LAMA1: variants seen among roughly 807,000 people sequenced by gnomAD.
LAMA1 encodes laminin subunit alpha-1.
In LAMA1, 219 loss-of-function variants were observed where a neutral mutation model predicts 348.7. The ratio of observed to expected loss-of-function variants is 0.63; its 90% CI spans 0.56 to 0.70. LAMA1 has a LOEUF of 0.70. Among genes scored for constraint, LAMA1 ranks in the 30% least tolerant of loss-of-function variants. The pLI, the probability that LAMA1 is intolerant of heterozygous loss-of-function variation, is 0.00. For missense variants in LAMA1, 3,744 were observed against 3,888.0 expected, an observed-to-expected ratio of 0.96 and a Z score of 0.99; for synonymous variants, 1,487 against 1,491.0, an observed-to-expected ratio of 1.00 and a Z score of 0.06.
In LAMA1 at chr18:7,050,815, T is replaced by C. The variant is rs2058059613; in HGVS notation, c.467A>G (p.Asp156Gly). The C allele has an allele frequency of 1.2e-6, 2 of 1,614,084 alleles. No homozygotes were observed. Among genetic ancestry groups the C allele is most frequent in the Non-Finnish European group, 1.7e-6 (2 of 1,180,022 alleles). Reference sequence around the variant, plus strand: ...ATTGTAACGAGACAAACACTCTGAGTCGCTGACTGCATAATACTGCCAGGG... The same window carrying C: ...ATTGTAACGAGACAAACACTCTGAGCCGCTGACTGCATAATACTGCCAGGG... ...FSPWQYYAVS[D>G]SECLSRYNIT... is the part of the protein sequence containing the mutation. Residue 156 changes from aspartate (D) to glycine (G), a missense_variant, in exon 4 of 63, where the codon GAC becomes GGC. Around this residue, in one of 3 missense-constraint regions of LAMA1, gnomAD observed 1,529 missense variants for 1,689.4 expected, o/e 0.91. Coordinates refer to ENST00000389658, the MANE Select transcript of LAMA1 (RefSeq NM_005559.4).
intron 42 of LAMA1, among the ~76,000 whole-genome samples, chr18:6,979,696 G>T (rs534993361): frequency 5.9e-5 from 9 of 152,018 alleles, no homozygotes; most frequent in African/African-American, 1.9e-4. Context: ...TCAGGAGATC[G>T]AGACCATCCT....
intron 57 of LAMA1, among the ~76,000 whole-genome samples, chr18:6,951,890 C>T (rs1039715636): frequency 6.6e-6 from 1 of 152,140 alleles, no homozygotes; most frequent in Non-Finnish European, 1.5e-5. Flanking sequence ...TGATTGTGCC[C>T]GCGGCAACGG....
rs554137721 is a variant in LAMA1 at position 7,007,080 on chromosome 18, G to A, written c.4260+59C>T. On this transcript the variant is annotated intron_variant, in intron 29 of 62. Coordinates refer to ENST00000389658, the MANE Select transcript of LAMA1 (RefSeq NM_005559.4). ...CGGCTATGACTTAGACCGGAAATCT[G>A]ACACTCAGCGTCCACTTTACTTCTA... 30 of 1,602,492 alleles carry A rather than the reference G, an allele frequency of 1.9e-5. No individual in the cohort carries two copies. In the South Asian group the frequency reaches 2.8e-4, roughly 15 times the overall value.
At chr18:7,019,946 T>G (rs1023463998) in intron 19 of LAMA1, among the ~76,000 whole-genome samples, 1 of 152,062 alleles carries the variant, frequency 6.6e-6, no homozygotes, top group Non-Finnish European at 1.5e-5. Flanking sequence ...CCTCCCAAAG[T>G]GCTGAGATTA....
rs545342595 is a variant in LAMA1 at position 7,088,625 on chromosome 18, C to A, written c.62-8168G>T. ...CTCGAACTCCCAGGCTCAAGCGATC[C>A]TCCTACCTCAGCCTCCCGAGTACCT... On this transcript the variant is annotated intron_variant, in intron 1 of 62. Coordinates refer to ENST00000389658, the MANE Select transcript of LAMA1 (RefSeq NM_005559.4). Among the ~76,000 whole-genome samples the A allele has an allele frequency of 1.6e-4, 24 of 152,204 alleles. No homozygotes were observed. In the East Asian group the frequency reaches 3.1e-3, roughly 20 times the overall value.
intron 58 of LAMA1, among the ~76,000 whole-genome samples, chr18:6,950,524 T>C (rs2057541670): frequency 6.6e-6 from 1 of 152,180 alleles, no homozygotes; most frequent in Non-Finnish European, 1.5e-5. Context: ...GTCAAGAACA[T>C]GTCTAGTACC....
Position 6,949,144 on chromosome 18 carries a change from A to G in LAMA1, c.8513T>C (p.Leu2838Pro). The change falls in exon 59 of 63, where the codon CTA becomes CCA. Residue 2838 changes from leucine to proline, a missense_variant. Transcript: ENST00000389658. ...CTGGTACTGGGAGGGCAGGCCTCCT[A>G]GGTAGAACAAACCCTCCACATCCAG... ...TMLDVEGLFY[L>P]GGLPSQYQAR... 6.2e-7 allele frequency: 1 copy of G among 1,614,182 alleles called. No homozygotes were observed. Among genetic ancestry groups the G allele is most frequent in the Non-Finnish European group, 8.5e-7 (1 of 1,180,020 alleles).
chr18:7,047,505 A>G (rs78977364), intron 5 of LAMA1, among the ~76,000 whole-genome samples: 11,938 of 152,234 alleles, frequency 0.078, 1,208 homozygotes, highest in African/African-American at 0.23. Context: ...GTCTTATAAA[A>G]TTCTTCACAA....
intron 3 of LAMA1, among the ~76,000 whole-genome samples, chr18:7,067,923 G>T (rs1219396472): frequency 6.6e-6 from 1 of 151,372 alleles, no homozygotes; most frequent in African/African-American, 2.4e-5. Context: ...GCACGATCTT[G>T]GCTCACTGCA....
intron 10 of LAMA1, among the ~76,000 whole-genome samples, chr18:7,039,429 C>G (rs2058010807): frequency 6.6e-6 from 1 of 152,114 alleles, no homozygotes; most frequent in African/African-American, 2.4e-5. Flanking sequence ...TCACTGGCAC[C>G]ATATTAATGC....
intron 19 of LAMA1, among the ~76,000 whole-genome samples, chr18:7,020,374 G>A (rs1474972052): frequency 1.3e-5 from 2 of 152,116 alleles, no homozygotes; most frequent in Non-Finnish European, 2.9e-5. Context: ...AACTATACGC[G>A]CTTGCTTTAG....
At chr18:6,959,532 T>C in intron 53 of LAMA1, 40 bp from the exon 54 acceptor site, 9 of 1,609,650 alleles carry the variant, frequency 5.6e-6, no homozygotes, top group African/African-American at 1.3e-5. Context: ...ACAAAACACA[T>C]TACTATATGA....
chr18:7,108,667 AGC>A (rs2058323959), intron 1 of LAMA1, among the ~76,000 whole-genome samples: 4 of 139,130 alleles, frequency 2.9e-5, no homozygotes, highest in African/African-American at 5.2e-5. Flanking sequence ...AAAAAAAAAA[AGC>A]TAACTCCCTT....
chr18:7,014,562 CAGTGAGCTTTGAGGAT>C (rs2057877158), intron 22 of LAMA1, among the ~76,000 whole-genome samples: 1 of 40,440 alleles, frequency 2.5e-5, no homozygotes, highest in South Asian at 4.9e-4. Context: ...GTCAAGGATA[CAGTGAGCTTTGAGGAT>C]ACAGTGAGCT....
Position 6,958,594 on chromosome 18 carries a change from C to T in LAMA1, c.7847G>A (p.Arg2616Lys), listed in dbSNP as rs144672024. 4.9e-5 allele frequency: 79 copies of T among 1,614,192 alleles called. 1 individual carries two copies. In the African/African-American group the frequency reaches 9.3e-4, roughly 19 times the overall value. Reference sequence around the variant, plus strand: ...GTACAGATTGGACACATTTATCGTCCTGCTTTCTACTAATGTGCCCAACTT... The same window carrying T: ...GTACAGATTGGACACATTTATCGTCTTGCTTTCTACTAATGTGCCCAACTT... ...EMKLGTLVES[R>K]TINVSNLYVG... Residue 2616 changes from arginine (R) to lysine (K), a missense_variant, in exon 55 of 63, where the codon AGG becomes AAG. Around this residue, in one of 3 missense-constraint regions of LAMA1, gnomAD observed 1,983 missense variants for 1,934.3 expected, o/e 1.03. Coordinates refer to ENST00000389658, the MANE Select transcript of LAMA1 (RefSeq NM_005559.4).
At chr18:7,006,461 G>A (rs540654288) in intron 29 of LAMA1, among the ~76,000 whole-genome samples, 21 of 152,186 alleles carry the variant, frequency 1.4e-4, no homozygotes, top group African/African-American at 5.1e-4. Flanking sequence ...AAATTCCCAC[G>A]TGAGCCCCCA....
At chr18:6,951,896 A>G (rs2057548494) in intron 57 of LAMA1, among the ~76,000 whole-genome samples, 1 of 152,212 alleles carries the variant, frequency 6.6e-6, no homozygotes, top group African/African-American at 2.4e-5. Flanking sequence ...TGCCCGCGGC[A>G]ACGGCAAAGA....
chr18:6,977,637 A>G, intron 44 of LAMA1, 90 bp downstream of exon 44: 3 of 1,479,328 alleles, frequency 2.0e-6, no homozygotes, highest in East Asian at 2.3e-5. Context: ...TAAGGGGCGC[A>G]GTGTGACTGA....
intron 19 of LAMA1, among the ~76,000 whole-genome samples, chr18:7,019,436 T>C (rs1600397795): frequency 6.6e-6 from 1 of 152,126 alleles, no homozygotes; most frequent in East Asian, 1.9e-4. Context: ...GCAAGTATGA[T>C]CAATGTAAAC....
Sources: allele counts gnomAD v4.1 joint callset (sites outside exome capture counted in the v4.1 genomes callset), GRCh38; gene constraint gnomAD v4.1.1; regional missense constraint gnomAD v4.1.1; transcripts MANE v1.5; gene names NCBI Gene and HGNC (gene_info 2026-07-23, HGNC 2026-07-21).